Variants in LIPA observed in about 807,000 individuals in gnomAD.
LIPA encodes lysosomal acid lipase/cholesteryl ester hydrolase.
LIPA carries 26 observed loss-of-function variants against 40.6 expected under a neutral mutation model. The observed-to-expected ratio is 0.64, with a 90% CI of 0.47 to 0.89. The LOEUF is 0.89. Ranked by LOEUF, LIPA falls within the 40% of genes least tolerant of loss-of-function variation. The probability of loss-of-function intolerance (pLI) is 0.00; values close to 1 mark genes in which losing one functional copy is unlikely to be tolerated. For synonymous variants in LIPA, 188 were observed against 168.4 expected (o/e 1.12, Z -0.90); for missense variants, 455 against 479.6 (o/e 0.95, Z 0.48).
At chr10:89,287,525 C>T (rs2133503265) in intron 1 of LIPA, among the ~76,000 whole-genome samples, 1 of 152,210 alleles carries the variant, frequency 6.6e-6, no homozygotes, top group East Asian at 1.9e-4. Context: ...TCATTGCCAC[C>T]CTTCTTCCCA....
Position 89,338,947 on chromosome 10 carries a change from G to A in LIPA, c.-2+3664C>T, listed in dbSNP as rs147185896. 1.4e-5 allele frequency: 23 copies of A among 1,614,004 alleles called. No individual in the cohort carries two copies. Among genetic ancestry groups the A allele is most frequent in the Non-Finnish European group, 1.9e-5 (23 of 1,180,018 alleles). ...AGAAATCAGAAGTCTAGTCACTTGG[G>A]GAAACTACGCCTGGGTCTACTATCA... is the stretch of plus-strand genomic sequence containing the variant. On this transcript the variant is annotated intron_variant, in intron 1 of 5. Coordinates refer to the LIPA transcript ENST00000282673.
upstream of LIPA, among the ~76,000 whole-genome samples, chr10:89,253,749 A>T (rs1330714110): frequency 6.6e-6 from 1 of 152,226 alleles, no homozygotes; most frequent in African/African-American, 2.4e-5. Flanking sequence ...GTAAAATCAA[A>T]AGCAAGTTAG....
At chr10:89,268,151 T>C (rs1300250427) in intron 1 of LIPA, among the ~76,000 whole-genome samples, 1 of 152,134 alleles carries the variant, frequency 6.6e-6, no homozygotes, top group Non-Finnish European at 1.5e-5. Context: ...AAGAGGAAAA[T>C]AGGAGGTCCA....
At chr10:89,234,318 G>T (rs1475680686) in intron 3 of LIPA, among the ~76,000 whole-genome samples, 1 of 152,196 alleles carries the variant, frequency 6.6e-6, no homozygotes, top group Non-Finnish European at 1.5e-5. Context: ...ACAGGGAATA[G>T]GAAGGACTTC....
At chr10:89,316,228 T>G (rs1843540752) in intron 1 of LIPA, among the ~76,000 whole-genome samples, 1 of 152,078 alleles carries the variant, frequency 6.6e-6, no homozygotes, top group South Asian at 2.1e-4. Context: ...TGTCAGATAG[T>G]GGGTGCAGCC....
Position 89,365,650 on chromosome 10 carries a change from G to C in LIPA, c.61+47141C>G, listed in dbSNP as rs535113344. Among the ~76,000 whole-genome samples, 7 of 152,154 alleles carry C rather than the reference G, an allele frequency of 4.6e-5. No individual in the cohort carries two copies. The South Asian group carries it at 1.4e-3, about 32-fold the overall frequency. On this transcript the variant is annotated intron_variant, in intron 2 of 8. Coordinates refer to the LIPA transcript ENST00000371837. ...GTATAAGGTGTAAGGAAGGGATCCA[G>C]TTTCAGCTTTCTACATATGGCTAGC...
chr10:89,340,187 G>T, intron 1 of LIPA: 5 of 1,501,246 alleles, frequency 3.3e-6, no homozygotes, highest in Non-Finnish European at 3.6e-6. Context: ...CGGGTAGGAC[G>T]ATAGGAAGAC....
chr10:89,315,921 T>A (rs1564784342), intron 1 of LIPA, among the ~76,000 whole-genome samples: 1 of 152,230 alleles, frequency 6.6e-6, no homozygotes, highest in African/African-American at 2.4e-5. Context: ...AACTACTATT[T>A]TTTTTTATTA....
intron 1 of LIPA, among the ~76,000 whole-genome samples, chr10:89,334,687 TTCA>T (rs1490469789): frequency 6.6e-6 from 1 of 150,904 alleles, no homozygotes; most frequent in Non-Finnish European, 1.5e-5. Context: ...CAGGCGGGGT[TTCA>T]TCATGTTGGC....
intron 2 of LIPA, chr10:89,405,940 A>G (rs1844523791): frequency 1.3e-5 from 2 of 152,164 alleles, no homozygotes; most frequent in Non-Finnish European, 2.9e-5. Flanking sequence ...GAAAATCTCC[A>G]AATTTTGGGC....
At position 89,332,613 on chromosome 10, in the gene LIPA, A is replaced by G. The variant is rs1843666730; in HGVS notation, c.-2+9998T>C. 3 of 1,614,030 alleles carry G rather than the reference A, an allele frequency of 1.9e-6. No individual in the cohort carries two copies. The Admixed American group carries it at 5.0e-5, about 27-fold the overall frequency. On this transcript the variant is annotated intron_variant, in intron 1 of 5. Coordinates refer to the LIPA transcript ENST00000282673. ...CCCCAGCTTTTCAGAACTGCAGGGA[A>G]ACAGCCATCATGAGGTAAATAGTCC...
chr10:89,257,604 A>AC (rs1794016515), intron 1 of LIPA, among the ~76,000 whole-genome samples: 2 of 152,230 alleles, frequency 1.3e-5, no homozygotes, highest in Non-Finnish European at 2.9e-5. Flanking sequence ...CCTTGAGAAA[A>AC]GAAAAACAAA....
At chr10:89,269,581 AT>A (rs1243452280) in intron 1 of LIPA, among the ~76,000 whole-genome samples, 1 of 152,198 alleles carries the variant, frequency 6.6e-6, no homozygotes, top group East Asian at 1.9e-4. Context: ...CAACCATATA[AT>A]ACTTTAAGAT....
chr10:89,239,659 C>G (rs1451539502), intron 3 of LIPA, among the ~76,000 whole-genome samples: 1 of 152,236 alleles, frequency 6.6e-6, no homozygotes, highest in Non-Finnish European at 1.5e-5. Context: ...AATAATCACT[C>G]TGATCACCAG....
At chr10:89,338,643 T>C (rs982306964) in intron 1 of LIPA, 5 of 1,599,914 alleles carry the variant, frequency 3.1e-6, no homozygotes, top group Non-Finnish European at 4.3e-6. Flanking sequence ...ACAGTGACCA[T>C]GTTTATTTTC....
chr10:89,335,171 A>C (rs1201070974), intron 1 of LIPA, among the ~76,000 whole-genome samples: 4 of 152,180 alleles, frequency 2.6e-5, no homozygotes, highest in African/African-American at 9.7e-5. Flanking sequence ...AAATCAAGAG[A>C]ATCAAGGGAC....
intron 9 of LIPA, 28 bp from the exon 10 acceptor site, chr10:89,215,089 C>T: frequency 6.7e-7 from 1 of 1,498,436 alleles, no homozygotes; most frequent in South Asian, 1.1e-5. Flanking sequence ...CAGAGAAAGC[C>T]TCGTTGTTGT....
chr10:89,312,513 A>G (rs1314749839), intron 1 of LIPA, among the ~76,000 whole-genome samples: 1 of 152,154 alleles, frequency 6.6e-6, no homozygotes, highest in African/African-American at 2.4e-5. Flanking sequence ...TCAAAATTCC[A>G]AAGAAATATC....
chr10:89,332,659 A>C (rs748670782), intron 1 of LIPA: 2 of 1,605,424 alleles, frequency 1.2e-6, no homozygotes, highest in East Asian at 4.5e-5. Flanking sequence ...GATAGGAAAC[A>C]GAATTTCTTA....
Sources: gnomAD v4.1 joint callset for allele counts (sites outside exome capture counted in the v4.1 genomes callset) on GRCh38, gnomAD v4.1.1 for gene constraint, MANE v1.5 for transcripts, NCBI Gene and HGNC (gene_info 2026-07-23, HGNC 2026-07-21) for gene names.